Variants in CARD9 observed in about 807,000 individuals in gnomAD.
CARD9 encodes caspase recruitment domain family member 9.
In CARD9, 53 loss-of-function variants were observed where a neutral mutation model predicts 66.0. The observed-to-expected ratio is 0.80, with a 90% CI of 0.64 to 1.01. The LOEUF (loss-of-function observed/expected upper bound fraction) is 1.01, where lower values mean the gene tolerates loss of function less well. CARD9 is among the 50% of genes least tolerant of loss of function. CARD9 has a pLI of 0.00. For synonymous variants in CARD9, 387 were observed against 313.8 expected (o/e 1.23, Z -2.47); for missense variants, 769 against 743.2 (o/e 1.03, Z -0.40).
At chr9:136,370,239 C>A in intron 6 of CARD9, 55 bp downstream of exon 6, 1 of 1,576,686 alleles carries the variant, frequency 6.3e-7, no homozygotes, top group Admixed American at 1.7e-5. Flanking sequence ...CGGAGCTCAG[C>A]CCGTCCAGCC....
chr9:136,369,743 T>C lies in CARD9; in HGVS notation c.1077+7A>G. ...GGGTGCTTTGTCCTGCCCCTGCGAGTGCCCACCTGGTCCCGCTCAATGGCG... is the reference window on the plus strand; with the variant it reads ...GGGTGCTTTGTCCTGCCCCTGCGAGCGCCCACCTGGTCCCGCTCAATGGCG... On this transcript the variant is annotated splice_region_variant and intron_variant, in intron 7 of 12. Transcript: ENST00000371732. 1 of 1,592,404 alleles carries C rather than the reference T, an allele frequency of 6.3e-7. No individual in the cohort carries two copies. Among genetic ancestry groups the C allele is most frequent in the Non-Finnish European group, 8.5e-7 (1 of 1,170,246 alleles).
Position 136,367,658 on chromosome 9 carries a change from C to A in CARD9, c.1248G>T (p.Gln416His). Residue 416 changes from glutamine to histidine, a missense_variant, in exon 8 of 13, where the codon CAG (glutamine) becomes CAT (histidine). Coordinates refer to ENST00000371732, the MANE Select transcript of CARD9 (RefSeq NM_052813.5). ...CCACCAGGACGAGCGTCTCCAGCTGCTGCCGCCTGAGCCTGCCCTCCACGG... is the reference window on the plus strand; with the variant it reads ...CCACCAGGACGAGCGTCTCCAGCTGATGCCGCCTGAGCCTGCCCTCCACGG... ...LLAVEGRLRR[Q>H]QLETLVLSSD... 1.3e-6 allele frequency: 2 copies of A among 1,593,566 alleles called. No homozygotes were observed. The highest frequency in any genetic ancestry group is 8.5e-7 in the Non-Finnish European group (1 of 1,175,924).
chr9:136,370,128 G>C, intron 6 of CARD9, 166 bp downstream of exon 6: 1 of 1,430,798 alleles, frequency 7.0e-7, no homozygotes, highest in Admixed American at 2.3e-5. Flanking sequence ...ATGGGGGGCA[G>C]GCGGGCAAGG....
Position 136,372,109 on chromosome 9 carries a change from G to A in CARD9, c.-16-15C>T, listed in dbSNP as rs566796013. ...CAGCAGGCAGGCTGGGGAGTGTGGGGCAGTGCTGAGAGCGATGCCGGCTCC... is the reference window on the plus strand; with the variant it reads ...CAGCAGGCAGGCTGGGGAGTGTGGGACAGTGCTGAGAGCGATGCCGGCTCC... On this transcript the variant is annotated splice_polypyrimidine_tract_variant and intron_variant, in intron 1 of 12. Coordinates refer to ENST00000371732, the MANE Select transcript of CARD9 (RefSeq NM_052813.5). 3.0e-5 allele frequency: 48 copies of A among 1,611,520 alleles called. No homozygotes were observed. The South Asian group carries it at 4.1e-4, about 14-fold the overall frequency.
At chr9:136,367,282 G>A (rs1189044335) in intron 8 of CARD9, 25 bp from the exon 9 acceptor site, 3 of 1,611,874 alleles carry the variant, frequency 1.9e-6, no homozygotes, top group South Asian at 1.1e-5. Flanking sequence ...AATGGGGTGG[G>A]TGGGCTGTGA....
At chr9:136,370,007 C>G in intron 6 of CARD9, 132 bp from the exon 7 acceptor site, 1 of 1,510,852 alleles carries the variant, frequency 6.6e-7, no homozygotes, top group Non-Finnish European at 8.9e-7. Flanking sequence ...ATAGGAGTCC[C>G]CAGGCCCCTA....
At chr9:136,367,541 G>A in intron 8 of CARD9, 96 bp downstream of exon 8, 2 of 1,409,258 alleles carry the variant, frequency 1.4e-6, no homozygotes, top group South Asian at 2.7e-5. Context: ...TCACAGAGAA[G>A]GGTTGGGTCG....
intron 2 of CARD9, 74 bp from the exon 3 acceptor site, chr9:136,371,535 C>CCGGGGGGGA: frequency 6.6e-7 from 1 of 1,507,584 alleles, no homozygotes. Flanking sequence ...GGCCTGGGGG[C>CCGGGGGGGA]AGGGACAGGT....
intron 7 of CARD9, among the ~76,000 whole-genome samples, chr9:136,369,481 CT>C (rs1005711964): frequency 9.2e-5 from 14 of 151,968 alleles, no homozygotes; most frequent in Non-Finnish European, 1.3e-4. Flanking sequence ...TCATCGTTTA[CT>C]TTTTTTTAGT....
intron 1 of CARD9, among the ~76,000 whole-genome samples, chr9:136,372,450 C>T (rs1420820765): frequency 1.3e-5 from 2 of 152,240 alleles, no homozygotes; most frequent in Admixed American, 6.5e-5. Context: ...CCCCTCTGGC[C>T]TCTGCCTCCT....
chr9:136,368,239 G>A (rs1381664457), intron 7 of CARD9, among the ~76,000 whole-genome samples: 1 of 152,226 alleles, frequency 6.6e-6, no homozygotes, highest in Middle Eastern at 3.2e-3. Flanking sequence ...GTGCAAACAC[G>A]ACGGCTTGAC....
At chr9:136,371,523 T>TGGGGGGGGGGGGGGGG in intron 2 of CARD9, 62 bp from the exon 3 acceptor site, 1 of 420,214 alleles carries the variant, frequency 2.4e-6, no homozygotes, top group Non-Finnish European at 3.9e-6. Context: ...CTGGGGTGGG[T>TGGGGGGGGGGGGGGGG]GGGCCTGGGG....
rs1285888649 is a variant in CARD9, at chr9:136,369,740, G to A, written c.1077+10C>T. ...GTGGGGTGCTTTGTCCTGCCCCTGC[G>A]AGTGCCCACCTGGTCCCGCTCAATG... On this transcript the variant is annotated intron_variant, in intron 7 of 12. Transcript: ENST00000371732. 1.1e-5 allele frequency: 17 copies of A among 1,589,958 alleles called. No individual in the cohort carries two copies. The highest frequency in any genetic ancestry group is 1.2e-5 in the Non-Finnish European group (14 of 1,168,974).
chr9:136,367,275 G>GGGGT lies in CARD9; in HGVS notation c.1270-22_1270-19dup, dbSNP rs1833146324. The stretch of plus-strand genomic sequence containing the variant: ...TCGGAGCTCTGTGGTCATAGAAAAT[G>GGGGT]GGGTGGGTGGGCTGTGAGGGCAGAG... On this transcript the variant is annotated intron_variant, in intron 8 of 12. Transcript: ENST00000371732. The GGGGT allele has an allele frequency of 6.2e-7, 1 of 1,612,248 alleles. No homozygotes were observed. The highest frequency in any genetic ancestry group is 8.5e-7 in the Non-Finnish European group (1 of 1,179,688).
At chr9:136,369,342 G>A (rs77922980) in intron 7 of CARD9, among the ~76,000 whole-genome samples, 1,866 of 152,322 alleles carry the variant, frequency 0.012, 23 homozygotes, top group Non-Finnish European at 0.021. Flanking sequence ...TATATAAATA[G>A]ATAGATAGGT....
intron 11 of CARD9, 187 bp downstream of exon 11, chr9:136,364,954 A>T: frequency 1.7e-6 from 1 of 595,200 alleles, no homozygotes; most frequent in Non-Finnish European, 2.9e-6. Context: ...TGCAGTGCCC[A>T]AGAAAGGGGG....
rs546959146 is a variant in CARD9, at chr9:136,372,500, A to G, written c.-16-406T>C. On this transcript the variant is annotated intron_variant, in intron 1 of 12. Transcript: ENST00000371732. Reference sequence around the variant, plus strand: ...CGCCCTGGAGCCTGCAAGGTTAGCCACCTCCATGGCTGGAATGGGCAGAGG... The same window carrying G: ...CGCCCTGGAGCCTGCAAGGTTAGCCGCCTCCATGGCTGGAATGGGCAGAGG... Among the ~76,000 whole-genome samples the G allele has an allele frequency of 3.5e-3, 528 of 152,186 alleles. 2 individuals carry two copies. The highest frequency in any genetic ancestry group is 0.012 in the African/African-American group (491 of 41,528).
chr9:136,366,451 G>A, intron 10 of CARD9: 2 of 380,726 alleles, frequency 5.3e-6, no homozygotes, highest in South Asian at 3.0e-5. Flanking sequence ...GCCAGGACTG[G>A]GCCTGCTCAC....
At chr9:136,365,399 C>G in intron 10 of CARD9, 182 bp from the exon 11 acceptor site, 1 of 614,370 alleles carries the variant, frequency 1.6e-6, no homozygotes, top group Non-Finnish European at 2.9e-6. Flanking sequence ...GCCTCGCTTG[C>G]CTGTTCATTG....
Sources: allele counts gnomAD v4.1 joint callset (sites outside exome capture counted in the v4.1 genomes callset), GRCh38; gene constraint gnomAD v4.1.1; transcripts MANE v1.5; gene names NCBI Gene and HGNC (gene_info 2026-07-23, HGNC 2026-07-21).